LRRTM4: variants seen among roughly 807,000 people sequenced by gnomAD.
LRRTM4 encodes the protein leucine rich repeat transmembrane neuronal 4, also known as leucine-rich repeat transmembrane neuronal protein 4.
In LRRTM4, 25 loss-of-function variants were observed where a neutral mutation model predicts 47.6. The ratio of observed to expected loss-of-function variants is 0.53; its 90% CI spans 0.38 to 0.73. LRRTM4 has a LOEUF of 0.73. LRRTM4 is among the 30% of genes least tolerant of loss of function. The pLI is 0.00. For missense variants in LRRTM4, 638 were observed against 713.4 expected (o/e 0.89, Z 1.20); for synonymous variants, 311 against 269.5 (o/e 1.15, Z -1.51).
At chr2:77,038,190 C>T (rs539031121) in intron 3 of LRRTM4, among the ~76,000 whole-genome samples, 2 of 151,646 alleles carry the variant, frequency 1.3e-5, no homozygotes, top group South Asian at 2.1e-4. Context: ...AACATCCTTA[C>T]TATGGTTTTC....
At chr2:77,207,370 T>TACACACAC (rs1462509982) in intron 3 of LRRTM4, among the ~76,000 whole-genome samples, 1 of 122,588 alleles carries the variant, frequency 8.2e-6, no homozygotes, top group Non-Finnish European at 1.6e-5. Context: ...TATATATATA[T>TACACACAC]ATACACACAC....
chr2:77,251,106 A>AG (rs1248234459), intron 3 of LRRTM4, among the ~76,000 whole-genome samples: 2 of 147,422 alleles, frequency 1.4e-5, no homozygotes, highest in East Asian at 2.0e-4. Flanking sequence ...TCTGTCTTCA[A>AG]GAAAAAAAAT....
intron 3 of LRRTM4, among the ~76,000 whole-genome samples, chr2:77,346,540 T>C (rs1671568461): frequency 6.6e-6 from 1 of 152,176 alleles, no homozygotes; most frequent in Non-Finnish European, 1.5e-5. Flanking sequence ...GAGACATTCA[T>C]ATATTCATAT....
At chr2:77,416,174 G>A (rs1033319923) in intron 3 of LRRTM4, among the ~76,000 whole-genome samples, 34 of 151,976 alleles carry the variant, frequency 2.2e-4, no homozygotes, top group Non-Finnish European at 4.0e-4. Context: ...TTTAATATGG[G>A]ATAGAATAAT....
chr2:77,043,007 A>T (rs895346283), intron 3 of LRRTM4, among the ~76,000 whole-genome samples: 2 of 151,634 alleles, frequency 1.3e-5, no homozygotes, highest in Non-Finnish European at 3.0e-5. Flanking sequence ...CTGTTTCTCA[A>T]TATATGCTGG....
intron 3 of LRRTM4, among the ~76,000 whole-genome samples, chr2:77,426,354 C>T (rs1450653920): frequency 6.6e-6 from 1 of 152,126 alleles, no homozygotes; most frequent in Non-Finnish European, 1.5e-5. Context: ...CCCTGCAGTC[C>T]ATTCTTTGCA....
At chr2:76,881,876 T>C (rs991641795) in intron 3 of LRRTM4, among the ~76,000 whole-genome samples, 4 of 152,206 alleles carry the variant, frequency 2.6e-5, no homozygotes, top group Admixed American at 2.6e-4. Context: ...GGAATTCTAA[T>C]TGTAAATGGT....
intron 3 of LRRTM4, among the ~76,000 whole-genome samples, chr2:76,772,190 G>A (rs181549533): frequency 1.1e-4 from 17 of 152,188 alleles, no homozygotes; most frequent in African/African-American, 3.6e-4. Flanking sequence ...AGAGCTCTCT[G>A]ACTCTACTCT....
At chr2:77,264,000 CTTCT>C (rs1343795221) in intron 3 of LRRTM4, among the ~76,000 whole-genome samples, 1 of 150,032 alleles carries the variant, frequency 6.7e-6, no homozygotes, top group Non-Finnish European at 1.5e-5. Flanking sequence ...TAAACCGAAA[CTTCT>C]TTAAGTTTTT....
chr2:76,754,117 T>G (rs1009882685), intron 3 of LRRTM4, among the ~76,000 whole-genome samples: 2 of 152,212 alleles, frequency 1.3e-5, no homozygotes, highest in East Asian at 3.8e-4. Flanking sequence ...ATTTAAAAAG[T>G]ACCACTATAT....
intron 3 of LRRTM4, among the ~76,000 whole-genome samples, chr2:76,969,071 T>C (rs1327813879): frequency 1.3e-5 from 2 of 151,914 alleles, no homozygotes; most frequent in East Asian, 3.9e-4. Flanking sequence ...ATTTCACTTT[T>C]TAAAGTTGAA....
chr2:77,226,867 G>C (rs954265811), intron 3 of LRRTM4, among the ~76,000 whole-genome samples: 3 of 151,928 alleles, frequency 2.0e-5, no homozygotes, highest in Non-Finnish European at 2.9e-5. Flanking sequence ...AAGAGGATGG[G>C]TTTTAGACAG....
chr2:77,311,685 G>A (rs1558682583), intron 3 of LRRTM4, among the ~76,000 whole-genome samples: 1 of 152,172 alleles, frequency 6.6e-6, no homozygotes, highest in East Asian at 1.9e-4. Flanking sequence ...CCCATAGTGA[G>A]CTACTGCAGT....
At chr2:77,521,070 C>T (rs575757776) in intron 2 of LRRTM4, among the ~76,000 whole-genome samples, 1 of 151,864 alleles carries the variant, frequency 6.6e-6, no homozygotes, top group Admixed American at 6.6e-5. Flanking sequence ...AAAACCCGAT[C>T]TTGCTCTCTG....
At chr2:76,837,578 A>G (rs1247895129) in intron 3 of LRRTM4, among the ~76,000 whole-genome samples, 9 of 152,132 alleles carry the variant, frequency 5.9e-5, no homozygotes, top group African/African-American at 2.2e-4. Context: ...CAGCCATCCC[A>G]TTACTGGGTA....
At chr2:77,495,562 T>G (rs77669486) in intron 3 of LRRTM4, among the ~76,000 whole-genome samples, 7 of 152,058 alleles carry the variant, frequency 4.6e-5, no homozygotes, top group Non-Finnish European at 1.0e-4. Flanking sequence ...TGAAATCAAA[T>G]TGGTATGAGG....
chr2:77,425,225 G>A (rs569295429), intron 3 of LRRTM4, among the ~76,000 whole-genome samples: 23 of 152,206 alleles, frequency 1.5e-4, no homozygotes, highest in Non-Finnish European at 2.8e-4. Context: ...CAGTTTCAAA[G>A]ACAAGTTTCT....
intron 3 of LRRTM4, among the ~76,000 whole-genome samples, chr2:77,478,854 C>A (rs1558762479): frequency 6.6e-6 from 1 of 152,162 alleles, no homozygotes; most frequent in Non-Finnish European, 1.5e-5. Context: ...GATTCACCTC[C>A]TACAGTGAAT....
At chr2:77,169,990 G>A (rs946280714) in intron 3 of LRRTM4, among the ~76,000 whole-genome samples, 4 of 152,034 alleles carry the variant, frequency 2.6e-5, no homozygotes, top group African/African-American at 7.2e-5. Context: ...AAAATTATCT[G>A]TGTGAATTCA....
Sources: gnomAD v4.1 joint callset for allele counts (sites outside exome capture counted in the v4.1 genomes callset) on GRCh38, gnomAD v4.1.1 for gene constraint, MANE v1.5 for transcripts, NCBI Gene and HGNC (gene_info 2026-07-23, HGNC 2026-07-21) for gene names.